Variants in OVCH1 observed in about 807,000 individuals in gnomAD.
OVCH1 encodes ovochymase-1.
In OVCH1, 139 loss-of-function variants were observed where a neutral mutation model predicts 138.4. The observed-to-expected ratio is 1.00, with a 90% CI of 0.87 to 1.16. The LOEUF is 1.16. OVCH1 is among the 50% of genes most tolerant of loss of function. The pLI, the probability that OVCH1 is intolerant of heterozygous loss-of-function variation, is 0.00. For synonymous variants in OVCH1, 453 were observed against 467.8 expected (o/e 0.97, Z 0.41); for missense variants, 1,367 against 1,357.9 (o/e 1.01, Z -0.11).
intron 21 of OVCH1, among the ~76,000 whole-genome samples, chr12:29,453,185 A>T (rs1435240662): frequency 2.0e-5 from 3 of 152,074 alleles, no homozygotes; most frequent in Non-Finnish European, 4.4e-5. Flanking sequence ...AGGATCTTGG[A>T]CCCAAGTCTG....
chr12:29,477,802 A>T (rs1313599142), intron 9 of OVCH1, among the ~76,000 whole-genome samples: 2 of 152,218 alleles, frequency 1.3e-5, no homozygotes, highest in African/African-American at 4.8e-5. Context: ...CCCTGTTCTA[A>T]TGGCATTTCC....
intron 15 of OVCH1, among the ~76,000 whole-genome samples, chr12:29,472,715 C>G (rs1452511495): frequency 6.6e-6 from 1 of 152,124 alleles, no homozygotes; most frequent in African/African-American, 2.4e-5. Flanking sequence ...AATAAAAAAC[C>G]TTTGTTTTCT....
chr12:29,420,618 CG>C lies in OVCH1; in HGVS notation c.*71+2508del, dbSNP rs1424746419. The stretch of plus-strand genomic sequence containing the variant: ...CTGCAAGCTCCGCTTCCCGGGTTCA[CG>C]CCATTCTCCTGCCTCAGCCTCCCGA... On this transcript the variant is annotated intron_variant and NMD_transcript_variant, in intron 3 of 4. Coordinates refer to the OVCH1 transcript ENST00000539117. 6.2e-5 allele frequency among the ~76,000 whole-genome samples: 2 copies of C among 32,446 alleles called. 1 individual carries two copies. The highest frequency in any genetic ancestry group is 2.1e-4 in the African/African-American group (2 of 9,712). The allele number at this position is 32,446 out of a possible 152,430, so 21.3% of individuals were successfully genotyped here.
At chr12:29,455,193 C>A in intron 20 of OVCH1, 56 bp downstream of exon 20, 2 of 1,571,626 alleles carry the variant, frequency 1.3e-6, no homozygotes, top group Non-Finnish European at 1.7e-6. Flanking sequence ...TCACTGTTCC[C>A]AAACCCACTC....
At chr12:29,404,942 A>C in the OVCH1 span, among the ~76,000 whole-genome samples, 1 of 146,848 alleles carries the variant, frequency 6.8e-6, no homozygotes, top group Non-Finnish European at 1.5e-5. Context: ...GAATCACGTG[A>C]ACCCAGGAGG....
At position 29,482,412 on chromosome 12, in the gene OVCH1, A is replaced by T. The variant is rs1156825298; in HGVS notation, c.996-3504T>A. On this transcript the variant is annotated intron_variant, in intron 8 of 27. Coordinates refer to ENST00000318184, the Ensembl canonical transcript of OVCH1. ...ACCCTCTCTGATATTGTATACTTTCATTCTCCACCCCCCTTTCTTGCCTTA... is the reference window on the plus strand; with the variant it reads ...ACCCTCTCTGATATTGTATACTTTCTTTCTCCACCCCCCTTTCTTGCCTTA... Among the ~76,000 whole-genome samples the T allele has an allele frequency of 2.6e-5, 4 of 151,812 alleles. No individual in the cohort carries two copies. In the East Asian group the frequency reaches 7.7e-4, roughly 29 times the overall value.
chr12:29,425,578 T>A (rs1592028064), downstream of OVCH1, among the ~76,000 whole-genome samples: 1 of 152,176 alleles, frequency 6.6e-6, no homozygotes, highest in African/African-American at 2.4e-5. Context: ...TTCAGTTGAG[T>A]CCCACGTTTT....
At chr12:29,460,039 T>G (rs1942078593) in intron 19 of OVCH1, among the ~76,000 whole-genome samples, 1 of 152,216 alleles carries the variant, frequency 6.6e-6, no homozygotes, top group African/African-American at 2.4e-5. Flanking sequence ...CTCAGTGTTC[T>G]TTGTAATAGA....
intron 5 of OVCH1, 143 bp from the exon 6 acceptor site, chr12:29,489,914 TC>T: frequency 1.1e-6 from 1 of 944,652 alleles, no homozygotes; most frequent in Admixed American, 3.0e-5. Flanking sequence ...CATATTCACT[TC>T]TAAAAATCAG....
chr12:29,415,517 A>G (rs528094016), intron 3 of OVCH1, among the ~76,000 whole-genome samples: 2 of 152,300 alleles, frequency 1.3e-5, no homozygotes, highest in East Asian at 3.9e-4. Context: ...AAAGAAGTCA[A>G]TCACATTTCA....
chr12:29,414,619 C>T (rs56008322), intron 3 of OVCH1, among the ~76,000 whole-genome samples: 79 of 152,272 alleles, frequency 5.2e-4, no homozygotes, highest in Non-Finnish European at 1.0e-3. Context: ...TATCAACTTA[C>T]AGTCCACCCA....
chr12:29,476,755 GCACA>G (rs548409739), intron 12 of OVCH1, among the ~76,000 whole-genome samples: 1,870 of 103,386 alleles, frequency 0.018, 69 homozygotes, highest in African/African-American at 0.044. Context: ...ACACACGCGC[GCACA>G]CACACACACA....
chr12:29,464,337 A>T, intron 18 of OVCH1, 170 bp downstream of exon 18: 2 of 807,492 alleles, frequency 2.5e-6, no homozygotes, highest in Non-Finnish European at 4.0e-6. Context: ...GAAAAGTTTT[A>T]AATAGCTCAT....
In OVCH1 at chr12:29,462,025, C is replaced by CAG; in HGVS notation, c.2126-19_2126-18dup. 6.2e-7 allele frequency: 1 copy of CAG among 1,607,176 alleles called. No individual in the cohort carries two copies. The highest frequency in any genetic ancestry group is 1.3e-5 in the African/African-American group (1 of 74,804). ...GGCCACCATCTAATGAAGAAACATT[C>CAG]AGAGAGAGCTCGATGATGAAGTAAG... On this transcript the variant is annotated splice_polypyrimidine_tract_variant and intron_variant, in intron 18 of 27. Transcript: ENST00000318184.
downstream of OVCH1, chr12:29,425,852 G>T (rs1288751564): frequency 6.6e-6 from 1 of 152,030 alleles, no homozygotes; most frequent in Non-Finnish European, 1.5e-5. Context: ...TATTTAAAAA[G>T]AATTATGATC....
At chr12:29,450,287 A>G (rs1015065433) in intron 22 of OVCH1, among the ~76,000 whole-genome samples, 1 of 152,238 alleles carries the variant, frequency 6.6e-6, no homozygotes, top group Non-Finnish European at 1.5e-5. Flanking sequence ...GCTAATATCC[A>G]GAATCTACAA....
At chr12:29,433,610 T>G (rs1941307294) in intron 27 of OVCH1, 3 of 830,336 alleles carry the variant, frequency 3.6e-6, no homozygotes, top group Non-Finnish European at 3.4e-6. Flanking sequence ...TGGCAGGGAC[T>G]GTCTTGTTCA....
chr12:29,495,482 T>C, intron 3 of OVCH1, 25 bp from the exon 4 acceptor site: 3 of 1,602,220 alleles, frequency 1.9e-6, no homozygotes, highest in Non-Finnish European at 2.6e-6. Context: ...AAATGTTTCA[T>C]AAGTAGTTGT....
At chr12:29,474,860 G>A (rs1468555080) in intron 14 of OVCH1, among the ~76,000 whole-genome samples, 2 of 152,064 alleles carry the variant, frequency 1.3e-5, no homozygotes, top group African/African-American at 2.4e-5. Flanking sequence ...ATTAACTGAG[G>A]TGCTTCCTAA....
Sources: gnomAD v4.1 joint callset for allele counts (sites outside exome capture counted in the v4.1 genomes callset) on GRCh38, gnomAD v4.1.1 for gene constraint, MANE v1.5 for transcripts, NCBI Gene and HGNC (gene_info 2026-07-23, HGNC 2026-07-21) for gene names.